HSPA13: variants seen among roughly 807,000 people sequenced by gnomAD.
The protein encoded by HSPA13 is heat shock protein family A (Hsp70) member 13.
HSPA13 carries 29 observed loss-of-function variants against 38.8 expected under a neutral mutation model. The observed-to-expected ratio is 0.75, with a 90% CI of 0.56 to 1.02. The LOEUF is 1.02. Among genes scored for constraint, HSPA13 ranks in the 50% least tolerant of loss-of-function variants. The pLI, the probability that HSPA13 is intolerant of heterozygous loss-of-function variation, is 0.00. For missense variants in HSPA13, 451 were observed against 560.9 expected (o/e 0.80, Z 1.98); for synonymous variants, 192 against 205.3 (o/e 0.94, Z 0.56).
At chr21:14,380,096 A>G (rs73341927) in intron 2 of HSPA13, among the ~76,000 whole-genome samples, 17,043 of 151,826 alleles carry the variant, frequency 0.11, 1,947 homozygotes, top group African/African-American at 0.3. Context: ...CTCCACATGG[A>G]AAAAAGCTTT....
In HSPA13 at chr21:14,375,736, A is replaced by C; in HGVS notation, c.664T>G (p.Leu222Val). ...GTTCCTCCGCCCAAGTCTATCACCA[A>C]GACGTGGAAGACGTCAGCCTTGTGG... ...GLHKADVFHVLVIDLGGGTLD... is the reference protein window; with the variant it reads ...GLHKADVFHVVVIDLGGGTLD... Residue 222 changes from leucine (L) to valine (V), a missense_variant, in exon 4 of 5, where the codon TTG (leucine) becomes GTG (valine). Leu to Val is a conservative substitution (Grantham distance 32). Coordinates refer to ENST00000285667, the MANE Select transcript of HSPA13 (RefSeq NM_006948.5). 1 of 1,614,058 alleles carries C rather than the reference A, an allele frequency of 6.2e-7. No individual in the cohort carries two copies. The highest frequency in any genetic ancestry group is 8.5e-7 in the Non-Finnish European group (1 of 1,179,898).
intron 4 of HSPA13, among the ~76,000 whole-genome samples, chr21:14,375,055 C>T (rs901624258): frequency 5.9e-5 from 9 of 152,092 alleles, no homozygotes; most frequent in Middle Eastern, 3.4e-3. Context: ...AAGCTAAATT[C>T]GACAAAATAA....
intron 3 of HSPA13, among the ~76,000 whole-genome samples, chr21:14,377,091 G>A (rs77253393): frequency 0.049 from 7,401 of 152,266 alleles, 244 homozygotes; most frequent in Middle Eastern, 0.092. Flanking sequence ...GGCTAGGGAC[G>A]CTGTTAAATA....
rs75996047 is a variant in HSPA13 at position 14,381,315 on chromosome 21, A to G, written c.254T>C (p.Val85Ala). ...DNDVYVGYES[V>A]ELADSNPQNT... is the part of the protein sequence containing the mutation. ...TTGAGGATTTGAATCTGCCAGCTCTACGCTTTCATATCCCACATATACATC... is the reference window on the plus strand; with the variant it reads ...TTGAGGATTTGAATCTGCCAGCTCTGCGCTTTCATATCCCACATATACATC... The change falls in exon 2 of 5, where the codon GTA becomes GCA. Residue 85 changes from valine to alanine, a missense_variant. Val to Ala is a moderately conservative substitution (Grantham distance 64). Transcript: ENST00000285667. 1.1e-4 allele frequency: 181 copies of G among 1,614,084 alleles called. No individual in the cohort carries two copies. The highest frequency in any genetic ancestry group is 1.5e-4 in the Non-Finnish European group (173 of 1,179,998).
intron 4 of HSPA13, among the ~76,000 whole-genome samples, chr21:14,374,976 GA>G (rs199925551): frequency 4.7e-5 from 7 of 150,086 alleles, no homozygotes; most frequent in African/African-American, 9.8e-5. Context: ...TAGAAAAAGA[GA>G]AAAAAAAATG....
rs773274609 is a variant in HSPA13 at position 14,378,203 on chromosome 21, A to G, written c.576T>C (p.Leu192=). The part of the protein sequence containing the change: ...QRNSTIEAAN[L]AGLKILRVIN... The stretch of plus-strand genomic sequence containing the variant: ...CTCAGTCAAGGGTACTGTTACCTGC[A>G]AGGTTAGCAGCTTCAATTGTTGAAT... The change falls in exon 3 of 5, where the codon CTT becomes CTC. Residue 192 remains leucine (L), a synonymous_variant. Coordinates refer to ENST00000285667, the MANE Select transcript of HSPA13 (RefSeq NM_006948.5). 6.2e-7 allele frequency: 1 copy of G among 1,613,016 alleles called. No homozygotes were observed. Among genetic ancestry groups the G allele is most frequent in the Non-Finnish European group, 8.5e-7 (1 of 1,179,004 alleles).
At chr21:14,380,913 A>G (rs949891593) in intron 2 of HSPA13, among the ~76,000 whole-genome samples, 2 of 152,226 alleles carry the variant, frequency 1.3e-5, no homozygotes, top group Non-Finnish European at 2.9e-5. Flanking sequence ...ATATCTATCT[A>G]TGGTACACAG....
intron 2 of HSPA13, 51 bp from the exon 3 acceptor site, chr21:14,378,463 C>G (rs1568722973): frequency 8.5e-7 from 1 of 1,178,838 alleles, no homozygotes; most frequent in Non-Finnish European, 1.3e-6. Flanking sequence ...TAAAAGCATA[C>G]AGACATACAT....
rs751345526 is a variant in HSPA13, at chr21:14,378,423, G to A, written c.367-11C>T. 4.5e-6 allele frequency: 7 copies of A among 1,563,626 alleles called. No individual in the cohort carries two copies. Among genetic ancestry groups the A allele is most frequent in the Non-Finnish European group, 6.2e-6 (7 of 1,134,768 alleles). On this transcript the variant is annotated splice_polypyrimidine_tract_variant and intron_variant, in intron 2 of 4. Transcript: ENST00000285667. ...ATTTTTGTTTAAAACCTGTGAATAG[G>A]ATTTGCAAATAAGTAAATAAATAAA...
chr21:14,374,342 T>C (rs888567618), intron 4 of HSPA13, 58 bp from the exon 5 acceptor site: 7 of 1,156,672 alleles, frequency 6.1e-6, no homozygotes, highest in African/African-American at 3.1e-5. Flanking sequence ...TGTATACACG[T>C]ATGTTATTAT....
rs1241527587 is a variant in HSPA13, at chr21:14,371,721, C to T, written c.*1896G>A. ...CCAAAAGCATTAACGGATTAAGAGA[C>T]TGTCTTGAACATCTCAAACATTTGA... On this transcript the variant is annotated 3_prime_UTR_variant, in exon 5 of 5. Transcript: ENST00000285667. 3 of 152,106 alleles carry T rather than the reference C, an allele frequency of 2.0e-5. No homozygotes were observed. The highest frequency in any genetic ancestry group is 1.3e-4 in the Admixed American group (2 of 15,280). The allele number at this position is 152,106 out of a possible 1,614,324, so 9.4% of individuals were successfully genotyped here.
Position 14,378,492 on chromosome 21 carries a change from T to C in HSPA13, c.367-80A>G, listed in dbSNP as rs1019188447. The C allele has an allele frequency of 2.2e-5, 19 of 862,740 alleles. No individual in the cohort carries two copies. The African/African-American group carries it at 2.7e-4, about 12-fold the overall frequency. The allele number at this position is 862,740 out of a possible 1,614,324, so 53.4% of individuals were successfully genotyped here. A position where few individuals can be genotyped will look rare whatever the true frequency, so the allele number is the denominator to read the frequency against. ...CATACATATATACATAAATACTAGA[T>C]TTCATGAGAACTTACCCTTATCTTT... On this transcript the variant is annotated intron_variant, in intron 2 of 4. Transcript: ENST00000285667.
chr21:14,378,473 T>A lies in HSPA13; in HGVS notation c.367-61A>T, dbSNP rs562965798. On this transcript the variant is annotated intron_variant, in intron 2 of 4. Coordinates refer to ENST00000285667, the MANE Select transcript of HSPA13 (RefSeq NM_006948.5). ...AAGAGTAAAAGCATACAGACATACA[T>A]ATATACATAAATACTAGATTTCATG... The A allele has an allele frequency of 2.1e-5, 22 of 1,038,354 alleles. No homozygotes were observed. In the South Asian group the frequency reaches 2.8e-4, roughly 13 times the overall value. 64.3% of individuals were successfully genotyped at this position (1,038,354 alleles called of 1,614,324 possible).
rs1457036916 is a variant in HSPA13 at position 14,372,536 on chromosome 21, A to T, written c.*1081T>A. ...AATTTTTTGCTTTCATTACAAACTA[A>T]CCTAATGTTTGAAAAGAGTCCAAGT... On this transcript the variant is annotated 3_prime_UTR_variant, in exon 5 of 5. Coordinates refer to ENST00000285667, the MANE Select transcript of HSPA13 (RefSeq NM_006948.5). 2 of 152,120 alleles carry T rather than the reference A, an allele frequency of 1.3e-5. No individual in the cohort carries two copies. The highest frequency in any genetic ancestry group is 2.9e-5 in the Non-Finnish European group (2 of 67,974). The allele number at this position is 152,120 out of a possible 1,614,324, so 9.4% of individuals were successfully genotyped here.
chr21:14,378,549 TAGTAC>T, intron 2 of HSPA13, 137 bp from the exon 3 acceptor site: 1 of 616,598 alleles, frequency 1.6e-6, no homozygotes, highest in East Asian at 2.7e-5. Context: ...GAAATCTATC[TAGTAC>T]ATTTACCAAG....
chr21:14,377,674 C>A (rs184044592), intron 3 of HSPA13, among the ~76,000 whole-genome samples: 1 of 152,118 alleles, frequency 6.6e-6, no homozygotes, highest in Non-Finnish European at 1.5e-5. Context: ...TGGGTGGGCA[C>A]CATCTAATCA....
rs1190533770 is a variant in HSPA13 at position 14,379,078 on chromosome 21, CT to C, written c.367-667del. On this transcript the variant is annotated intron_variant, in intron 2 of 4. Coordinates refer to ENST00000285667, the MANE Select transcript of HSPA13 (RefSeq NM_006948.5). ...AAGTATGTAACTCAGAATCTTTTCCCTTTTTTTCCCAAATTTCTTGTTTCTA... is the reference window on the plus strand; with the variant it reads ...AAGTATGTAACTCAGAATCTTTTCCCTTTTTTCCCAAATTTCTTGTTTCTA... Among the ~76,000 whole-genome samples, 5 of 151,992 alleles carry C rather than the reference CT, an allele frequency of 3.3e-5. No homozygotes were observed. In the South Asian group the frequency reaches 8.3e-4, roughly 25 times the overall value.
rs372457934 is a variant in HSPA13 at position 14,373,796 on chromosome 21, G to A, written c.1237C>T (p.Arg413Trp). Reference protein sequence around the residue: ...VLVGGSTRIPRIRQVIQEFFG... With the variant: ...VLVGGSTRIPWIRQVIQEFFG... Reference sequence around the variant, plus strand: ...AACTCTTGAATGACTTGACGGATCCGAGGAATACGAGTGGAGCCCCCAACT... The same window carrying A: ...AACTCTTGAATGACTTGACGGATCCAAGGAATACGAGTGGAGCCCCCAACT... The change falls in exon 5 of 5, where the codon CGG becomes TGG. Residue 413 changes from arginine (R) to tryptophan (W), a missense_variant. Transcript: ENST00000285667. The A allele has an allele frequency of 1.1e-5, 18 of 1,614,160 alleles. No homozygotes were observed. Among genetic ancestry groups the A allele is most frequent in the Admixed American group, 3.3e-5 (2 of 60,018 alleles).
At position 14,371,239 on chromosome 21, in the gene HSPA13, C is replaced by T. The variant is rs1982819156; in HGVS notation, c.*2378G>A. ...TGTAATATTTAGTACATGTTATACA[C>T]AGCAGTATCTGTTAAGTCAGTGGTT... On this transcript the variant is annotated 3_prime_UTR_variant, in exon 5 of 5. Coordinates refer to ENST00000285667, the MANE Select transcript of HSPA13 (RefSeq NM_006948.5). The T allele has an allele frequency of 6.6e-6, 1 of 152,596 alleles. No individual in the cohort carries two copies. Among genetic ancestry groups the T allele is most frequent in the African/African-American group, 2.4e-5 (1 of 41,444 alleles). The allele number at this position is 152,596 out of a possible 1,614,324, so 9.5% of individuals were successfully genotyped here.
Sources: gnomAD v4.1 joint callset for allele counts (sites outside exome capture counted in the v4.1 genomes callset) on GRCh38, gnomAD v4.1.1 for gene constraint, MANE v1.5 for transcripts, NCBI Gene and HGNC (gene_info 2026-07-23, HGNC 2026-07-21) for gene names.